CNKSR3: variants seen among roughly 807,000 people sequenced by gnomAD.
The protein encoded by CNKSR3 is connector enhancer of kinase suppressor of ras 3.
CNKSR3 carries 36 observed loss-of-function variants against 67.7 expected under a neutral mutation model. The observed-to-expected ratio is 0.53, with a 90% CI of 0.41 to 0.70. The LOEUF (loss-of-function observed/expected upper bound fraction) is 0.70. CNKSR3 is among the 30% of genes least tolerant of loss of function. The probability of loss-of-function intolerance (pLI) is 0.00; values close to 1 mark genes in which losing one functional copy is unlikely to be tolerated. For synonymous variants in CNKSR3, 281 were observed against 271.4 expected (o/e 1.04, Z -0.35); for missense variants, 630 against 695.2 (o/e 0.91, Z 1.05).
rs189123172 is a variant in CNKSR3 at position 154,470,775 on chromosome 6, G to A, written c.53-20517C>T. On this transcript the variant is annotated intron_variant, in intron 1 of 12. Coordinates refer to ENST00000607772, the MANE Select transcript of CNKSR3 (RefSeq NM_173515.4). ...TGTATAGGTTTTTAGGTGAATGTACGTTCTCAGTTCTCTTGGGGATATACC... is the reference window on the plus strand; with the variant it reads ...TGTATAGGTTTTTAGGTGAATGTACATTCTCAGTTCTCTTGGGGATATACC... Among the ~76,000 whole-genome samples the A allele has an allele frequency of 2.4e-3, 363 of 152,244 alleles. 1 individual carries two copies. The highest frequency in any genetic ancestry group is 7.9e-3 in the African/African-American group (327 of 41,536).
intron 2 of CNKSR3, among the ~76,000 whole-genome samples, chr6:154,448,682 C>T (rs1027527216): frequency 3.9e-5 from 6 of 152,236 alleles, no homozygotes; most frequent in South Asian, 2.1e-4. Context: ...GTCTCCCAGG[C>T]GGCAGCTCAT....
At chr6:154,414,521 T>C in intron 9 of CNKSR3, 98 bp from the exon 10 acceptor site, 1 of 1,291,334 alleles carries the variant, frequency 7.7e-7, no homozygotes, top group Non-Finnish European at 1.1e-6. Context: ...ACCAACCCCG[T>C]GTCTGAACAG....
chr6:154,468,086 T>TC (rs1188065849), intron 1 of CNKSR3, among the ~76,000 whole-genome samples: 1 of 144,858 alleles, frequency 6.9e-6, no homozygotes, highest in Non-Finnish European at 1.5e-5. Flanking sequence ...TTTTCTTTTT[T>TC]TTTTTTTTGA....
chr6:154,427,094 C>G (rs993457429), intron 7 of CNKSR3, among the ~76,000 whole-genome samples: 6 of 152,168 alleles, frequency 3.9e-5, no homozygotes, highest in Admixed American at 1.3e-4. Context: ...TGCAGCTCAA[C>G]AGAGAATCCT....
intron 9 of CNKSR3, among the ~76,000 whole-genome samples, chr6:154,418,465 C>T (rs977639181): frequency 4.6e-5 from 7 of 152,164 alleles, no homozygotes; most frequent in African/African-American, 1.2e-4. Context: ...ATCTCCTCTA[C>T]CATACATGCT....
chr6:154,450,194 C>A lies in CNKSR3; in HGVS notation c.117G>T (p.Gln39His). ...GGTCCTGATGGGAAATCTGCAGCAG[C>A]TGCTCGCCGTTGATCTTCTCTCGTT... Reference protein sequence around the residue: ...KFEREKINGEQLLQISHQDLE... With the variant: ...KFEREKINGEHLLQISHQDLE... The change falls in exon 2 of 13, where the codon CAG (glutamine) becomes CAT (histidine). Residue 39 changes from glutamine to histidine, a missense_variant. This residue lies in a region of CNKSR3 where 189 missense variants were observed against 205.0 expected (regional missense o/e 0.92). Coordinates refer to ENST00000607772, the MANE Select transcript of CNKSR3 (RefSeq NM_173515.4). 6.2e-7 allele frequency: 1 copy of A among 1,614,194 alleles called. No homozygotes were observed. The highest frequency in any genetic ancestry group is 8.5e-7 in the Non-Finnish European group (1 of 1,180,038).
chr6:154,463,169 T>A (rs1156534462), intron 1 of CNKSR3, among the ~76,000 whole-genome samples: 2 of 150,986 alleles, frequency 1.3e-5, no homozygotes, highest in Non-Finnish European at 3.0e-5. Flanking sequence ...TGGAGTGCAG[T>A]GGCACAATCT....
intron 1 of CNKSR3, among the ~76,000 whole-genome samples, chr6:154,484,695 C>CAA (rs1166789172): frequency 0.013 from 877 of 65,446 alleles, 37 homozygotes; most frequent in African/African-American, 0.038. Context: ...GAGCAAGACT[C>CAA]AAAAAAAAAA....
chr6:154,412,239 A>G (rs776570969), intron 10 of CNKSR3, among the ~76,000 whole-genome samples: 1 of 152,178 alleles, frequency 6.6e-6, no homozygotes, highest in East Asian at 1.9e-4. Context: ...TAAACCGGGC[A>G]TATAACTCCC....
intron 1 of CNKSR3, among the ~76,000 whole-genome samples, chr6:154,472,426 C>T (rs1786349218): frequency 6.6e-6 from 1 of 152,180 alleles, no homozygotes; most frequent in Non-Finnish European, 1.5e-5. Flanking sequence ...CCTGGGTACT[C>T]CTCCTGGGCC....
At chr6:154,503,749 G>A (rs1257383198) in intron 1 of CNKSR3, among the ~76,000 whole-genome samples, 1 of 151,928 alleles carries the variant, frequency 6.6e-6, no homozygotes, top group Admixed American at 6.6e-5. Context: ...GTTGCTAGGT[G>A]GTGCTTATAA....
intron 7 of CNKSR3, among the ~76,000 whole-genome samples, chr6:154,427,396 A>G (rs1186662642): frequency 6.6e-6 from 1 of 152,228 alleles, no homozygotes; most frequent in Non-Finnish European, 1.5e-5. Flanking sequence ...CCCCAAATAC[A>G]TGCTTCTTTT....
chr6:154,445,174 T>C (rs1464452499), intron 2 of CNKSR3, among the ~76,000 whole-genome samples: 3 of 152,132 alleles, frequency 2.0e-5, no homozygotes, highest in African/African-American at 7.2e-5. Flanking sequence ...AATTAGAAAT[T>C]TTGAAAGAAG....
chr6:154,407,048 C>T (rs1784811095), intron 12 of CNKSR3, among the ~76,000 whole-genome samples: 1 of 152,032 alleles, frequency 6.6e-6, no homozygotes, highest in African/African-American at 2.4e-5. Context: ...TGAATGTGGG[C>T]ACCATACCTT....
chr6:154,490,663 C>T (rs1466497818), intron 1 of CNKSR3, among the ~76,000 whole-genome samples: 1 of 152,096 alleles, frequency 6.6e-6, no homozygotes, highest in Non-Finnish European at 1.5e-5. Context: ...CATCCCACTC[C>T]CGACTCTCCA....
At chr6:154,407,872 GAAAAAAAAA>G (rs56406534) in intron 12 of CNKSR3, among the ~76,000 whole-genome samples, 2 of 68,662 alleles carry the variant, frequency 2.9e-5, no homozygotes, top group African/African-American at 5.8e-5. Flanking sequence ...TTTAGAATTT[GAAAAAAAAA>G]AAAAAAAAAA....
chr6:154,422,419 C>T (rs1785164405), intron 9 of CNKSR3, 87 bp downstream of exon 9: 21 of 1,318,210 alleles, frequency 1.6e-5, no homozygotes, highest in Non-Finnish European at 2.1e-5. Flanking sequence ...ACCAATCAAT[C>T]ACCTTCAAAT....
rs562008700 is a variant in CNKSR3, at chr6:154,414,469, A to G, written c.946-46T>C. ...CAATGCAAAGAGTGGAGATCAATTC[A>G]GAGATGATTCTTGGTGTTTATTTCC... On this transcript the variant is annotated intron_variant, in intron 9 of 12. Coordinates refer to ENST00000607772, the MANE Select transcript of CNKSR3 (RefSeq NM_173515.4). The G allele has an allele frequency of 2.1e-5, 33 of 1,554,914 alleles. No homozygotes were observed. The African/African-American group carries it at 4.2e-4, about 20-fold the overall frequency.
chr6:154,430,452 C>T lies in CNKSR3; in HGVS notation c.669+20G>A. 6.3e-7 allele frequency: 1 copy of T among 1,582,132 alleles called. No individual in the cohort carries two copies. The highest frequency in any genetic ancestry group is 2.0e-5 in the Admixed American group (1 of 51,262). On this transcript the variant is annotated intron_variant, in intron 6 of 12. Coordinates refer to ENST00000607772, the MANE Select transcript of CNKSR3 (RefSeq NM_173515.4). Reference sequence around the variant, plus strand: ...TGATGTATGTTATCTGAAAATAAAACAAGTGTTATTAGAACTTACCAGGCC... The same window carrying T: ...TGATGTATGTTATCTGAAAATAAAATAAGTGTTATTAGAACTTACCAGGCC...
Sources: allele counts gnomAD v4.1 joint callset (sites outside exome capture counted in the v4.1 genomes callset), GRCh38; gene constraint gnomAD v4.1.1; regional missense constraint gnomAD v4.1.1; transcripts MANE v1.5; gene names NCBI Gene and HGNC (gene_info 2026-07-23, HGNC 2026-07-21).